The following SYT14 variants were observed in gnomAD, a reference collection of about 807,000 sequenced individuals.
The protein encoded by SYT14 is synaptotagmin 14, also known as synaptotagmin-14.
SYT14 carries 32 observed loss-of-function variants against 74.2 expected under a neutral mutation model. The ratio of observed to expected loss-of-function variants is 0.43; its 90% CI spans 0.33 to 0.58. The LOEUF (loss-of-function observed/expected upper bound fraction) is 0.58, where lower values mean the gene tolerates loss of function less well. Among genes scored for constraint, SYT14 ranks in the 20% least tolerant of loss-of-function variants. The pLI is 0.05. For missense variants in SYT14, 791 were observed against 981.8 expected (o/e 0.81, Z 2.60); for synonymous variants, 298 against 337.7 (o/e 0.88, Z 1.29).
intron 2 of SYT14, chr1:209,965,973 C>T (rs1466570958): frequency 9.0e-5 from 41 of 453,508 alleles, no homozygotes; most frequent in South Asian, 3.1e-4. Flanking sequence ...TGGGTTCAAA[C>T]GATTCTTCTG....
At chr1:210,076,961 T>A (rs1215474451) in intron 5 of SYT14, among the ~76,000 whole-genome samples, 1 of 152,232 alleles carries the variant, frequency 6.6e-6, no homozygotes. Context: ...TTTTTGTTAC[T>A]GGTTTCTTTC....
At chr1:210,020,793 G>A (rs2080284578) in intron 4 of SYT14, among the ~76,000 whole-genome samples, 4 of 151,980 alleles carry the variant, frequency 2.6e-5, no homozygotes, top group Non-Finnish European at 5.9e-5. Flanking sequence ...TCCAAAGCTT[G>A]GGCTTCTTAT....
At chr1:210,066,729 A>G (rs570368078) in intron 5 of SYT14, among the ~76,000 whole-genome samples, 6 of 152,150 alleles carry the variant, frequency 3.9e-5, no homozygotes, top group Middle Eastern at 3.4e-3. Flanking sequence ...TTTTAGTTTA[A>G]TTAGATCCCA....
chr1:210,143,693 TGTG>T (rs2082969202), intron 7 of SYT14, among the ~76,000 whole-genome samples: 1 of 152,260 alleles, frequency 6.6e-6, no homozygotes, highest in African/African-American at 2.4e-5. Context: ...ATGTATAAAA[TGTG>T]GTCATTTGAA....
At chr1:210,150,450 C>G (rs774447180) in intron 7 of SYT14, among the ~76,000 whole-genome samples, 4 of 152,180 alleles carry the variant, frequency 2.6e-5, no homozygotes, top group Non-Finnish European at 4.4e-5. Flanking sequence ...CAATCATGCT[C>G]TTTCTTCCTC....
chr1:210,050,140 T>C (rs1441755708), intron 5 of SYT14, among the ~76,000 whole-genome samples: 2 of 152,206 alleles, frequency 1.3e-5, no homozygotes, highest in Non-Finnish European at 2.9e-5. Flanking sequence ...CTTTTAAAAC[T>C]GCCTTTAACA....
intron 2 of SYT14, among the ~76,000 whole-genome samples, chr1:209,988,187 G>A (rs540645915): frequency 2.8e-4 from 42 of 152,054 alleles, no homozygotes; most frequent in Non-Finnish European, 5.3e-4. Flanking sequence ...ATGTCTTCAG[G>A]TTCATTAACA....
At chr1:210,112,646 G>A (rs1181312593) in intron 7 of SYT14, among the ~76,000 whole-genome samples, 1 of 151,354 alleles carries the variant, frequency 6.6e-6, no homozygotes, top group Non-Finnish European at 1.5e-5. Flanking sequence ...GTGTTGCCCT[G>A]AGCGATGGGA....
chr1:210,160,968 C>T, exon 10 of SYT14: 1 of 1,613,980 alleles, frequency 6.2e-7, no homozygotes, highest in Middle Eastern at 1.6e-4. Context: ...AGAAGAAGAA[C>T]TCAATCACTG....
chr1:210,017,216 T>C, intron 4 of SYT14: 2 of 665,112 alleles, frequency 3.0e-6, no homozygotes, highest in Non-Finnish European at 4.2e-6. Flanking sequence ...TTTAAGACTT[T>C]CTTGAATCCT....
At chr1:209,961,094 G>A (rs1214797753) in intron 2 of SYT14, among the ~76,000 whole-genome samples, 4 of 152,202 alleles carry the variant, frequency 2.6e-5, no homozygotes, top group South Asian at 2.1e-4. Context: ...CTACACCCTC[G>A]GATTCTCCCT....
intron 7 of SYT14, among the ~76,000 whole-genome samples, chr1:210,117,822 C>T (rs993510449): frequency 3.9e-5 from 6 of 152,112 alleles, no homozygotes; most frequent in African/African-American, 1.4e-4. Flanking sequence ...TTTGAACATG[C>T]AGGAAGACTG....
chr1:209,967,406 G>A lies in SYT14; in HGVS notation c.-486+14650G>A, dbSNP rs532746981. On this transcript the variant is annotated intron_variant, in intron 2 of 9. Transcript: ENST00000637265. ...GTATTATTTCTTTCTTAAATGTTTG[G>A]TACAGTTCACTAGAGAAGCCACCTA... Among the ~76,000 whole-genome samples the A allele has an allele frequency of 7.9e-5, 12 of 152,090 alleles. No homozygotes were observed. The East Asian group carries it at 2.3e-3, about 29-fold the overall frequency.
Position 210,152,416 on chromosome 1 carries a change from C to CT in SYT14, c.2035-3297dup, listed in dbSNP as rs956329674. On this transcript the variant is annotated intron_variant, in intron 7 of 9. Coordinates refer to ENST00000637265, the Ensembl canonical transcript of SYT14. Reference sequence around the variant, plus strand: ...TTGTTATAGGGAATACTGTTAGTGTCTTTTTTTTCTTTTCTTTTTAATTCA... The same window carrying CT: ...TTGTTATAGGGAATACTGTTAGTGTCTTTTTTTTTCTTTTCTTTTTAATTCA... Among the ~76,000 whole-genome samples, 7 of 151,904 alleles carry CT rather than the reference C, an allele frequency of 4.6e-5. No homozygotes were observed. In the South Asian group the frequency reaches 6.2e-4, roughly 13 times the overall value.
chr1:210,011,336 G>C (rs2080082627), intron 2 of SYT14, among the ~76,000 whole-genome samples: 1 of 152,166 alleles, frequency 6.6e-6, no homozygotes, highest in Non-Finnish European at 1.5e-5. Flanking sequence ...ATATACCTTA[G>C]CTTCTTTTAT....
At chr1:209,981,630 A>G (rs544239957) in intron 2 of SYT14, among the ~76,000 whole-genome samples, 60 of 151,054 alleles carry the variant, frequency 4.0e-4, no homozygotes, top group African/African-American at 1.4e-3. Flanking sequence ...TTTAATTTTT[A>G]GTTTTTGGAG....
intron 5 of SYT14, among the ~76,000 whole-genome samples, chr1:210,042,492 G>T (rs2080809400): frequency 6.6e-6 from 1 of 152,096 alleles, no homozygotes; most frequent in East Asian, 1.9e-4. Context: ...TATGGTTTTA[G>T]GTCTTACATT....
intron 2 of SYT14, among the ~76,000 whole-genome samples, chr1:209,957,224 T>C (rs115029920): frequency 0.016 from 2,436 of 152,260 alleles, 78 homozygotes; most frequent in African/African-American, 0.055. Flanking sequence ...CCCCCATTGC[T>C]GTCTTCTCTC....
At chr1:210,149,128 A>C (rs1437393673) in intron 7 of SYT14, among the ~76,000 whole-genome samples, 1 of 152,032 alleles carries the variant, frequency 6.6e-6, no homozygotes, top group Non-Finnish European at 1.5e-5. Context: ...TACAGCAAAA[A>C]AGTGCATATG....
Sources: gnomAD v4.1 joint callset for allele counts (sites outside exome capture counted in the v4.1 genomes callset) on GRCh38, gnomAD v4.1.1 for gene constraint, MANE v1.5 for transcripts, NCBI Gene and HGNC (gene_info 2026-07-23, HGNC 2026-07-21) for gene names.